Variants in BMPR1A observed in about 807,000 individuals in gnomAD.
BMPR1A encodes the protein bone morphogenetic protein receptor type 1A.
Under a neutral mutation model 66.0 loss-of-function variants are expected in BMPR1A, and 7 were observed. The ratio of observed to expected loss-of-function variants is 0.11; its 90% CI spans 0.06 to 0.20. The LOEUF is 0.20. Among genes scored for constraint, BMPR1A ranks in the 10% least tolerant of loss-of-function variants. BMPR1A has a pLI of 1.00. For synonymous variants in BMPR1A, 200 were observed against 229.7 expected (o/e 0.87, Z 1.17); for missense variants, 408 against 669.1 (o/e 0.61, Z 4.31).
At chr10:86,789,733 A>G (rs1841573298) in intron 1 of BMPR1A, among the ~76,000 whole-genome samples, 1 of 151,518 alleles carries the variant, frequency 6.6e-6, no homozygotes, top group Non-Finnish European at 1.5e-5. Flanking sequence ...AAACAAACAA[A>G]CACGTAACTA....
At chr10:86,847,932 A>G (rs1227749600) in intron 2 of BMPR1A, among the ~76,000 whole-genome samples, 2 of 150,088 alleles carry the variant, frequency 1.3e-5, no homozygotes, top group African/African-American at 4.9e-5. Flanking sequence ...ATAGAAAATG[A>G]TACTTTTTTT....
chr10:86,840,323 G>A (rs1411415758), intron 2 of BMPR1A, among the ~76,000 whole-genome samples: 4 of 152,104 alleles, frequency 2.6e-5, no homozygotes, highest in African/African-American at 4.8e-5. Context: ...AAAAAATAAC[G>A]TAACTCTCGA....
downstream of BMPR1A, chr10:86,931,417 A>C (rs1843809944): frequency 6.8e-6 from 1 of 147,480 alleles, no homozygotes; most frequent in Non-Finnish European, 1.5e-5. Flanking sequence ...CTGTTGCTCT[A>C]CTGTATGACT....
At chr10:86,790,174 AAAAAAAAAAAAAAAATATATATATATAT>A (rs1841582353) in intron 1 of BMPR1A, among the ~76,000 whole-genome samples, 1 of 38,392 alleles carries the variant, frequency 2.6e-5, no homozygotes, top group African/African-American at 1.4e-4. Flanking sequence ...AAAAAAAAAA[AAAAAAAAAAAAAAAATATATATATATAT>A]ATATATATAT....
intron 5 of BMPR1A, among the ~76,000 whole-genome samples, chr10:86,898,254 T>C (rs1277071696): frequency 1.3e-5 from 2 of 151,544 alleles, no homozygotes; most frequent in East Asian, 3.9e-4. Flanking sequence ...AACACATATA[T>C]ATATAACATA....
chr10:86,921,453 C>G, intron 10 of BMPR1A, 67 bp from the exon 11 acceptor site: 1 of 1,600,896 alleles, frequency 6.2e-7, no homozygotes, highest in Admixed American at 1.7e-5. Flanking sequence ...TAAAATAGGA[C>G]AAAAATACAA....
intron 1 of BMPR1A, among the ~76,000 whole-genome samples, chr10:86,766,986 G>A (rs1841175277): frequency 6.6e-6 from 1 of 152,010 alleles, no homozygotes; most frequent in African/African-American, 2.4e-5. Flanking sequence ...ACCATGTCCA[G>A]CTAATTTTTG....
At chr10:86,785,787 T>C (rs1163355985) in intron 1 of BMPR1A, among the ~76,000 whole-genome samples, 2 of 152,210 alleles carry the variant, frequency 1.3e-5, no homozygotes, top group African/African-American at 4.8e-5. Context: ...TGCCTTGTTA[T>C]ATTTGGGTGC....
intron 1 of BMPR1A, among the ~76,000 whole-genome samples, chr10:86,800,212 G>C (rs1170172137): frequency 6.6e-6 from 1 of 152,128 alleles, no homozygotes; most frequent in Non-Finnish European, 1.5e-5. Flanking sequence ...GCAGCACAGG[G>C]CCTGTATTCC....
intron 2 of BMPR1A, among the ~76,000 whole-genome samples, chr10:86,862,482 G>A (rs930447669): frequency 6.6e-6 from 1 of 152,164 alleles, no homozygotes; most frequent in African/African-American, 2.4e-5. Flanking sequence ...TCTGAATGGG[G>A]TGTGATGTGG....
chr10:86,809,609 T>C (rs1269712132), intron 1 of BMPR1A, among the ~76,000 whole-genome samples: 7 of 60,384 alleles, frequency 1.2e-4, no homozygotes, highest in Non-Finnish European at 1.8e-4. Context: ...TTTTTTTTTT[T>C]TTTCTCTTTT....
chr10:86,856,098 A>G, intron 2 of BMPR1A: 1 of 533,250 alleles, frequency 1.9e-6, no homozygotes, highest in Admixed American at 2.3e-5. Context: ...ACTTTCTTTC[A>G]GTAATATCAT....
chr10:86,764,222 T>C (rs947146684), intron 1 of BMPR1A, among the ~76,000 whole-genome samples: 2 of 150,948 alleles, frequency 1.3e-5, no homozygotes, highest in African/African-American at 4.9e-5. Flanking sequence ...TATATAAGAA[T>C]GTTTTAGATT....
intron 1 of BMPR1A, among the ~76,000 whole-genome samples, chr10:86,836,703 T>G (rs548075684): frequency 2.0e-5 from 3 of 152,088 alleles, no homozygotes; most frequent in African/African-American, 7.2e-5. Context: ...GAGGCTGAGG[T>G]GGGAGGATTC....
intron 2 of BMPR1A, among the ~76,000 whole-genome samples, chr10:86,854,232 T>C (rs1345072388): frequency 6.6e-6 from 1 of 152,218 alleles, no homozygotes; most frequent in Non-Finnish European, 1.5e-5. Flanking sequence ...CTCTCTCTTA[T>C]TCCCTGAACA....
chr10:86,876,962 A>G (rs1842927825), intron 3 of BMPR1A, among the ~76,000 whole-genome samples: 1 of 152,216 alleles, frequency 6.6e-6, no homozygotes, highest in African/African-American at 2.4e-5. Context: ...GATGACTCTT[A>G]GGACCAGATG....
intron 11 of BMPR1A, among the ~76,000 whole-genome samples, chr10:86,922,630 G>A (rs771052334): frequency 9.9e-5 from 15 of 152,194 alleles, no homozygotes; most frequent in Admixed American, 1.3e-4. Context: ...CTGTCCCAGC[G>A]GAGTCAGGGC....
chr10:86,822,004 C>T (rs56035555), intron 1 of BMPR1A, among the ~76,000 whole-genome samples: 12,419 of 152,058 alleles, frequency 0.082, 606 homozygotes, highest in African/African-American at 0.094. Flanking sequence ...GGTTTTACCA[C>T]GTTCCTAGGC....
At chr10:86,903,897 T>C (rs148645881) in intron 7 of BMPR1A, among the ~76,000 whole-genome samples, 5,356 of 150,754 alleles carry the variant, frequency 0.036, 173 homozygotes, top group Non-Finnish European at 0.047. Context: ...TGAGCCACCG[T>C]GCCCGGCCTA....
Sources: allele counts gnomAD v4.1 joint callset (sites outside exome capture counted in the v4.1 genomes callset), GRCh38; gene constraint gnomAD v4.1.1; transcripts MANE v1.5; gene names NCBI Gene and HGNC (gene_info 2026-07-23, HGNC 2026-07-21).